LAMA3: variants seen among roughly 807,000 people sequenced by gnomAD.
LAMA3 encodes the protein laminin subunit alpha 3, also known as laminin subunit alpha-3.
A neutral mutation model predicts 402.0 loss-of-function variants in LAMA3; 281 were observed. That is an observed-to-expected ratio of 0.70 (90% CI 0.63 to 0.77). The LOEUF is 0.77. LAMA3 is among the 30% of genes least tolerant of loss of function. LAMA3 has a pLI of 0.00. For missense variants in LAMA3, 3,840 were observed against 4,215.5 expected (o/e 0.91, Z 2.47); for synonymous variants, 1,431 against 1,558.4 (o/e 0.92, Z 1.93).
chr18:23,756,707 T>G (rs1204285917), intron 6 of LAMA3, among the ~76,000 whole-genome samples: 1 of 152,130 alleles, frequency 6.6e-6, no homozygotes, highest in Admixed American at 6.5e-5. Context: ...GCCATCACAG[T>G]AGATGTTGTA....
At chr18:23,794,091 C>T (rs976184104) in intron 12 of LAMA3, among the ~76,000 whole-genome samples, 8 of 152,232 alleles carry the variant, frequency 5.3e-5, no homozygotes, top group African/African-American at 1.7e-4. Flanking sequence ...CCTCCAGGAA[C>T]CTCCCCACAT....
chr18:23,924,786 A>C (rs1599112999), intron 62 of LAMA3, among the ~76,000 whole-genome samples: 1 of 151,834 alleles, frequency 6.6e-6, no homozygotes, highest in Non-Finnish European at 1.5e-5. Flanking sequence ...CAGGTGATCC[A>C]CCTGCCTCTG....
chr18:23,736,798 G>C (rs1319672967), intron 2 of LAMA3, among the ~76,000 whole-genome samples: 1 of 152,120 alleles, frequency 6.6e-6, no homozygotes, highest in African/African-American at 2.4e-5. Context: ...TTAAGGGAAG[G>C]GGGTGGAGCT....
intron 32 of LAMA3, among the ~76,000 whole-genome samples, chr18:23,850,063 TC>T (rs2063909141): frequency 6.6e-6 from 1 of 152,196 alleles, no homozygotes; most frequent in Non-Finnish European, 1.5e-5. Context: ...TTAGAAAATT[TC>T]CTTTATGAAG....
chr18:23,757,924 G>A lies in LAMA3; in HGVS notation c.948-472G>A, dbSNP rs867829821. Among the ~76,000 whole-genome samples the A allele has an allele frequency of 3.9e-5, 6 of 152,244 alleles. No individual in the cohort carries two copies. The South Asian group carries it at 1.2e-3, about 31-fold the overall frequency. ...CCCTCTGGGATCTTATTAGCAGCTG[G>A]TCCTTGAATTGGGTAAAGCATGACC... On this transcript the variant is annotated intron_variant, in intron 6 of 74. Coordinates refer to ENST00000313654, the MANE Select transcript of LAMA3 (RefSeq NM_198129.4).
At chr18:23,783,910 A>G (rs996357258) in intron 11 of LAMA3, 113 bp from the exon 12 acceptor site, 3 of 1,345,950 alleles carry the variant, frequency 2.2e-6, no homozygotes, top group Non-Finnish European at 3.2e-6. Context: ...AATGTTTAAC[A>G]GCCATAGATA....
chr18:23,853,721 C>T (rs963359351), intron 32 of LAMA3, among the ~76,000 whole-genome samples: 2 of 152,206 alleles, frequency 1.3e-5, no homozygotes, highest in African/African-American at 2.4e-5. Context: ...GACCTGCCTC[C>T]CCAGAATTGC....
At chr18:23,813,554 T>TTTC (rs2063117559) in intron 14 of LAMA3, among the ~76,000 whole-genome samples, 2 of 87,182 alleles carry the variant, frequency 2.3e-5, no homozygotes, top group Admixed American at 2.2e-4. Flanking sequence ...CTTTTCTTTC[T>TTTC]TTTTTTTTTT....
intron 14 of LAMA3, among the ~76,000 whole-genome samples, chr18:23,813,761 C>T (rs1003553598): frequency 6.6e-6 from 1 of 151,910 alleles, no homozygotes; most frequent in Non-Finnish European, 1.5e-5. Context: ...AGGCTGGTCT[C>T]GAACTCCTGA....
Position 23,753,777 on chromosome 18 carries a change from T to TG in LAMA3, c.913dup (p.Ala305GlyfsTer2). 3 of 1,613,960 alleles carry TG rather than the reference T, an allele frequency of 1.9e-6. No individual in the cohort carries two copies. Among genetic ancestry groups the TG allele is most frequent in the Non-Finnish European group, 2.5e-6 (3 of 1,179,800 alleles). On this transcript the variant is annotated frameshift_variant, in exon 6 of 75. Coordinates refer to ENST00000313654, the MANE Select transcript of LAMA3 (RefSeq NM_198129.4). LOFTEE classifies it high-confidence loss of function. The stretch of plus-strand genomic sequence containing the variant: ...GTGGGCAGTGTGTTTGCAATGGCCA[T>TG]GCTGAAGTGTGCAATATAAACAATC...
At chr18:23,939,780 G>A (rs532726492) in intron 68 of LAMA3, among the ~76,000 whole-genome samples, 2 of 152,320 alleles carry the variant, frequency 1.3e-5, no homozygotes, top group South Asian at 4.1e-4. Flanking sequence ...GTGCCAGATA[G>A]ATCATTTTTA....
At chr18:23,735,724 C>T (rs533241223) in intron 2 of LAMA3, among the ~76,000 whole-genome samples, 3 of 152,232 alleles carry the variant, frequency 2.0e-5, no homozygotes, top group Admixed American at 6.5e-5. Context: ...CAATGCAGAG[C>T]GTCCCCCTAG....
intron 14 of LAMA3, 42 bp downstream of exon 14, chr18:23,813,145 T>C (rs767770806): frequency 2.3e-6 from 3 of 1,331,366 alleles, no homozygotes; most frequent in African/African-American, 2.9e-5. Context: ...ACTATCTCTA[T>C]TATTCTCATG....
At chr18:23,737,769 G>C (rs911787465) in intron 2 of LAMA3, among the ~76,000 whole-genome samples, 1 of 152,264 alleles carries the variant, frequency 6.6e-6, no homozygotes, top group Non-Finnish European at 1.5e-5. Context: ...AGAAGACTGA[G>C]TGCGTGTTTT....
chr18:23,912,083 TATAA>T lies in LAMA3; in HGVS notation c.7159-625_7159-622del, dbSNP rs2081447729. On this transcript the variant is annotated intron_variant, in intron 55 of 74. Transcript: ENST00000313654. ...AAAAATATATTTTATATATTTAATA[TATAA>T]ATGCATATATTTAAAAATATATATC... Among the ~76,000 whole-genome samples the T allele has an allele frequency of 1.4e-5, 2 of 146,212 alleles. 1 individual carries two copies. The highest frequency in any genetic ancestry group is 4.2e-4 in the South Asian group (2 of 4,780).
intron 20 of LAMA3, among the ~76,000 whole-genome samples, chr18:23,823,863 T>C (rs1305347083): frequency 6.6e-6 from 1 of 152,228 alleles, no homozygotes; most frequent in Non-Finnish European, 1.5e-5. Flanking sequence ...TGTAAAACTT[T>C]TTCTTATGCA....
chr18:23,822,020 C>T (rs898701658), intron 19 of LAMA3, among the ~76,000 whole-genome samples: 31 of 152,236 alleles, frequency 2.0e-4, no homozygotes, highest in East Asian at 5.8e-4. Context: ...TGAGGGAGTG[C>T]GTTTTCACTG....
chr18:23,826,076 G>C (rs1464851065), intron 21 of LAMA3, among the ~76,000 whole-genome samples: 1 of 152,160 alleles, frequency 6.6e-6, no homozygotes. Flanking sequence ...GCAGATATGT[G>C]CTGCTGTCAG....
rs2145055524 is a variant in LAMA3, at chr18:23,894,350, T to G, written c.5461+2T>G. The G allele has an allele frequency of 9.9e-6, 16 of 1,612,730 alleles. No homozygotes were observed. Among genetic ancestry groups the G allele is most frequent in the Non-Finnish European group, 1.4e-5 (16 of 1,178,750 alleles). ...GCAGCCCTGCAGAAGAATGTGATGGTGAGAAAAGAAAGCCCCTCCTCCTCC... is the reference window on the plus strand; with the variant it reads ...GCAGCCCTGCAGAAGAATGTGATGGGGAGAAAAGAAAGCCCCTCCTCCTCC... On this transcript the variant is annotated splice_donor_variant, in intron 43 of 74. Transcript: ENST00000313654. LOFTEE classifies it high-confidence loss of function.
Sources: allele counts gnomAD v4.1 joint callset (sites outside exome capture counted in the v4.1 genomes callset), GRCh38; gene constraint gnomAD v4.1.1; transcripts MANE v1.5; gene names NCBI Gene and HGNC (gene_info 2026-07-23, HGNC 2026-07-21).